GRID1: variants seen among roughly 807,000 people sequenced by gnomAD.
The protein encoded by GRID1 is glutamate receptor ionotropic, delta-1.
A neutral mutation model predicts 98.0 loss-of-function variants in GRID1; 28 were observed. That is an observed-to-expected ratio of 0.29 (90% CI 0.21 to 0.39). The LOEUF (loss-of-function observed/expected upper bound fraction) is 0.39, where lower values mean the gene tolerates loss of function less well. Among genes scored for constraint, GRID1 ranks in the 10% least tolerant of loss-of-function variants. The pLI is 1.00. For synonymous variants in GRID1, 553 were observed against 538.5 expected (o/e 1.03, Z -0.37); for missense variants, 1,111 against 1,340.5 (o/e 0.83, Z 2.67).
chr10:86,013,213 A>G (rs1393062717), intron 4 of GRID1, among the ~76,000 whole-genome samples: 2 of 152,242 alleles, frequency 1.3e-5, no homozygotes, highest in African/African-American at 4.8e-5. Context: ...CCTGAAAATC[A>G]AGTGAGGGCT....
chr10:85,848,054 T>C (rs1843023608), intron 8 of GRID1, among the ~76,000 whole-genome samples: 1 of 152,112 alleles, frequency 6.6e-6, no homozygotes. Flanking sequence ...AAATGTACAA[T>C]CTCACAAGAA....
chr10:86,123,525 G>T (rs1844708330), intron 4 of GRID1, among the ~76,000 whole-genome samples: 1 of 152,176 alleles, frequency 6.6e-6, no homozygotes, highest in Admixed American at 6.5e-5. Flanking sequence ...TCCCTGATTT[G>T]TTTACCTATT....
chr10:86,175,794 C>G (rs909099981), intron 3 of GRID1, among the ~76,000 whole-genome samples: 4 of 152,246 alleles, frequency 2.6e-5, no homozygotes, highest in African/African-American at 9.6e-5. Context: ...ACTGCAATCT[C>G]CGCCTCCCGG....
At chr10:86,323,935 T>TGTAATCC (rs1267322451) in intron 2 of GRID1, among the ~76,000 whole-genome samples, 1 of 152,166 alleles carries the variant, frequency 6.6e-6, no homozygotes, top group Admixed American at 6.5e-5. Flanking sequence ...TCCCAGCACT[T>TGTAATCC]CGGGAGGCCA....
At chr10:85,939,847 C>T (rs1415174054) in intron 4 of GRID1, among the ~76,000 whole-genome samples, 1 of 152,048 alleles carries the variant, frequency 6.6e-6, no homozygotes, top group Non-Finnish European at 1.5e-5. Context: ...GGGAGAATCA[C>T]CTGAGGTCAG....
intron 2 of GRID1, among the ~76,000 whole-genome samples, chr10:86,329,798 C>A (rs1164150429): frequency 6.6e-6 from 1 of 152,178 alleles, no homozygotes; most frequent in African/African-American, 2.4e-5. Context: ...GACCCAGAGC[C>A]TGGATCTTCC....
At chr10:85,874,311 CA>C (rs1843306618) in intron 5 of GRID1, among the ~76,000 whole-genome samples, 1 of 151,908 alleles carries the variant, frequency 6.6e-6, no homozygotes, top group South Asian at 2.1e-4. Flanking sequence ...AGTGGTTTTA[CA>C]AAGTTATAAT....
At chr10:86,164,329 C>T (rs1845367132) in intron 3 of GRID1, among the ~76,000 whole-genome samples, 1 of 152,146 alleles carries the variant, frequency 6.6e-6, no homozygotes, top group Admixed American at 6.5e-5. Context: ...AGGATGCCAG[C>T]GCTGGGGTGG....
intron 4 of GRID1, among the ~76,000 whole-genome samples, chr10:86,037,041 T>C (rs1843274903): frequency 6.6e-6 from 1 of 152,176 alleles, no homozygotes; most frequent in Admixed American, 6.5e-5. Context: ...TACAGATGTG[T>C]TATTCAAGGT....
chr10:85,923,177 C>G (rs1182169145), intron 4 of GRID1, among the ~76,000 whole-genome samples: 1 of 152,076 alleles, frequency 6.6e-6, no homozygotes, highest in African/African-American at 2.4e-5. Flanking sequence ...TCTCTTTGCT[C>G]GAGGATCCTT....
intron 2 of GRID1, among the ~76,000 whole-genome samples, chr10:86,265,886 G>A (rs1469721054): frequency 3.9e-5 from 6 of 152,096 alleles, no homozygotes; most frequent in South Asian, 4.1e-4. Context: ...CTGCAAAGTC[G>A]CTGATCAGCA....
intron 2 of GRID1, among the ~76,000 whole-genome samples, chr10:86,219,651 G>T (rs1163408026): frequency 1.3e-5 from 2 of 152,220 alleles, no homozygotes; most frequent in African/African-American, 2.4e-5. Flanking sequence ...TGAAGCTGGG[G>T]AGGTAGTGGG....
chr10:85,637,511 T>C (rs1843060675), intron 13 of GRID1, among the ~76,000 whole-genome samples: 1 of 152,220 alleles, frequency 6.6e-6, no homozygotes, highest in South Asian at 2.1e-4. Context: ...ACAGCAACTG[T>C]GAAGCAGTGA....
intron 2 of GRID1, among the ~76,000 whole-genome samples, chr10:86,307,711 T>G (rs1467279069): frequency 1.3e-5 from 2 of 152,222 alleles, no homozygotes; most frequent in Non-Finnish European, 2.9e-5. Context: ...AGAAAAATGT[T>G]AACTATATGA....
chr10:86,343,051 A>G (rs2132111240), intron 2 of GRID1, among the ~76,000 whole-genome samples: 1 of 152,328 alleles, frequency 6.6e-6, no homozygotes, highest in East Asian at 1.9e-4. Flanking sequence ...GCAGCCTTTC[A>G]GCCACACGAA....
chr10:86,235,988 G>A (rs919547379), intron 2 of GRID1, among the ~76,000 whole-genome samples: 2 of 152,206 alleles, frequency 1.3e-5, no homozygotes, highest in African/African-American at 2.4e-5. Flanking sequence ...TTTCGCAGCA[G>A]CTGCATCATT....
chr10:86,212,812 G>A (rs559600824), intron 2 of GRID1, among the ~76,000 whole-genome samples: 13 of 152,142 alleles, frequency 8.5e-5, no homozygotes, highest in Non-Finnish European at 1.6e-4. Context: ...ATTTAGTATT[G>A]TCATAACTCA....
At chr10:86,010,051 ACT>A (rs75353376) in intron 4 of GRID1, among the ~76,000 whole-genome samples, 49,794 of 151,868 alleles carry the variant, frequency 0.33, 8,846 homozygotes, top group South Asian at 0.49. Context: ...TAGCCAGGCA[ACT>A]CTCAAACACC....
chr10:85,639,624 AGCACTTTGGGAG>A (rs1408485708), intron 13 of GRID1, among the ~76,000 whole-genome samples: 2 of 152,206 alleles, frequency 1.3e-5, no homozygotes, highest in Non-Finnish European at 2.9e-5. Context: ...CTGTAATCCC[AGCACTTTGGGAG>A]GCCGAGGCAG....
Sources: allele counts gnomAD v4.1 joint callset (sites outside exome capture counted in the v4.1 genomes callset), GRCh38; gene constraint gnomAD v4.1.1; transcripts MANE v1.5; gene names NCBI Gene and HGNC (gene_info 2026-07-23, HGNC 2026-07-21).